Variants in SLC38A6 observed in about 807,000 individuals in gnomAD.
SLC38A6 encodes the protein solute carrier family 38 member 6.
SLC38A6 carries 73 observed loss-of-function variants against 65.0 expected under a neutral mutation model. The ratio of observed to expected loss-of-function variants is 1.12; its 90% CI spans 0.93 to 1.37. The LOEUF (loss-of-function observed/expected upper bound fraction) is 1.37, where lower values mean the gene tolerates loss of function less well. SLC38A6 is among the 40% of genes most tolerant of loss of function. SLC38A6 has a pLI of 0.00. For synonymous variants in SLC38A6, 183 were observed against 178.8 expected, an observed-to-expected ratio of 1.02 and a Z score of -0.19; for missense variants, 561 against 531.1, an observed-to-expected ratio of 1.06 and a Z score of -0.55.
intron 5 of SLC38A6, among the ~76,000 whole-genome samples, chr14:61,022,275 A>T (rs558573180): frequency 6.6e-6 from 1 of 152,164 alleles, no homozygotes; most frequent in Admixed American, 6.5e-5. Context: ...GTCACTAAGC[A>T]AAAGGGAACT....
intron 16 of SLC38A6, among the ~76,000 whole-genome samples, chr14:61,082,116 G>A (rs2043679253): frequency 6.6e-6 from 1 of 152,094 alleles, no homozygotes; most frequent in Admixed American, 6.5e-5. Context: ...CTAACACAGT[G>A]TCCCCCAAAG....
At chr14:61,008,888 C>A (rs1023348543) in intron 3 of SLC38A6, among the ~76,000 whole-genome samples, 3 of 152,038 alleles carry the variant, frequency 2.0e-5, no homozygotes, top group African/African-American at 7.2e-5. Context: ...TTTCAGAAAC[C>A]ATTGCCAATG....
intron 3 of SLC38A6, among the ~76,000 whole-genome samples, chr14:60,995,601 C>G (rs922615800): frequency 3.3e-5 from 5 of 149,826 alleles, no homozygotes; most frequent in Non-Finnish European, 5.9e-5. Flanking sequence ...GCTTTTACCA[C>G]AAGGAAGGAA....
intron 6 of SLC38A6, 54 bp downstream of exon 6, chr14:61,030,577 G>A (rs2040917419): frequency 1.7e-6 from 2 of 1,201,654 alleles, no homozygotes; most frequent in South Asian, 2.7e-5. Flanking sequence ...TGATAAATAT[G>A]TATTAAGCTG....
At chr14:61,053,658 G>A (rs1267976351), downstream of SLC38A6, among the ~76,000 whole-genome samples, 4 of 152,042 alleles carry the variant, frequency 2.6e-5, no homozygotes, top group Admixed American at 2.0e-4. Flanking sequence ...GCTTTCTTAT[G>A]TGCTTGTTGG....
intron 15 of SLC38A6, among the ~76,000 whole-genome samples, chr14:61,061,763 C>G (rs1381781274): frequency 6.6e-6 from 1 of 152,180 alleles, no homozygotes; most frequent in African/African-American, 2.4e-5. Flanking sequence ...TGAAAGATCT[C>G]TTGGTTGCTT....
At chr14:61,002,952 T>C (rs1052824802) in intron 3 of SLC38A6, among the ~76,000 whole-genome samples, 7 of 152,176 alleles carry the variant, frequency 4.6e-5, no homozygotes, top group Non-Finnish European at 1.0e-4. Flanking sequence ...TTAATGTAAC[T>C]GGACATCACC....
At chr14:60,992,704 T>G (rs1242786313) in intron 3 of SLC38A6, among the ~76,000 whole-genome samples, 1 of 151,982 alleles carries the variant, frequency 6.6e-6, no homozygotes, top group Non-Finnish European at 1.5e-5. Context: ...TTTTTTTTTT[T>G]AAGACAAAGT....
intron 15 of SLC38A6, among the ~76,000 whole-genome samples, chr14:61,066,382 G>C (rs1376573441): frequency 1.3e-5 from 2 of 152,120 alleles, no homozygotes; most frequent in African/African-American, 4.8e-5. Context: ...CAAGCTGTCA[G>C]TCAGGACAAG....
chr14:61,018,667 A>G (rs189433390), intron 4 of SLC38A6, among the ~76,000 whole-genome samples: 4 of 152,300 alleles, frequency 2.6e-5, no homozygotes, highest in Admixed American at 2.0e-4. Context: ...TGTTTCCTCT[A>G]AGCATATCTG....
At chr14:60,992,247 TCCA>T (rs1302875377) in intron 3 of SLC38A6, among the ~76,000 whole-genome samples, 8 of 152,206 alleles carry the variant, frequency 5.3e-5, no homozygotes, top group African/African-American at 1.9e-4. Flanking sequence ...ATTTAGATGT[TCCA>T]GAGGCTTTGT....
intron 3 of SLC38A6, among the ~76,000 whole-genome samples, chr14:61,009,137 C>T (rs1013536384): frequency 1.3e-5 from 2 of 152,104 alleles, no homozygotes; most frequent in African/African-American, 2.4e-5. Flanking sequence ...TACAATAAGG[C>T]AGGTGGATTA....
intron 15 of SLC38A6, among the ~76,000 whole-genome samples, chr14:61,074,336 T>C (rs1159733730): frequency 6.6e-6 from 1 of 152,242 alleles, no homozygotes; most frequent in Non-Finnish European, 1.5e-5. Context: ...TACCATAGAT[T>C]GGATGGCTTA....
chr14:61,014,658 C>G (rs1388305632), intron 3 of SLC38A6, among the ~76,000 whole-genome samples: 2 of 152,202 alleles, frequency 1.3e-5, no homozygotes, highest in Non-Finnish European at 2.9e-5. Flanking sequence ...ACTCCAGACC[C>G]TTTTTGTCTG....
At chr14:61,026,995 A>C (rs1387153325) in intron 5 of SLC38A6, among the ~76,000 whole-genome samples, 1 of 151,966 alleles carries the variant, frequency 6.6e-6, no homozygotes, top group Non-Finnish European at 1.5e-5. Context: ...CATTTATTTC[A>C]CTTTATAATT....
intron 5 of SLC38A6, among the ~76,000 whole-genome samples, chr14:61,021,750 T>A (rs1038637397): frequency 1.3e-5 from 2 of 152,240 alleles, no homozygotes; most frequent in African/African-American, 4.8e-5. Context: ...GATATCCTCA[T>A]GATTTTCTTC....
chr14:61,068,637 T>C (rs967415677), intron 15 of SLC38A6, among the ~76,000 whole-genome samples: 2 of 152,250 alleles, frequency 1.3e-5, no homozygotes, highest in East Asian at 3.8e-4. Flanking sequence ...GCCTGTCTTA[T>C]GGTCATGACC....
chr14:61,023,930 G>T (rs1256162020), intron 5 of SLC38A6, among the ~76,000 whole-genome samples: 1 of 152,000 alleles, frequency 6.6e-6, no homozygotes, highest in Non-Finnish European at 1.5e-5. Context: ...TATACATTTA[G>T]TAAATAACAT....
intron 8 of SLC38A6, 96 bp downstream of exon 8, chr14:61,037,779 G>T: frequency 1.3e-6 from 1 of 760,526 alleles, no homozygotes; most frequent in South Asian, 2.1e-5. Context: ...GTTGGGAAGG[G>T]TATCTCATTT....
Sources: gnomAD v4.1 joint callset for allele counts (sites outside exome capture counted in the v4.1 genomes callset) on GRCh38, gnomAD v4.1.1 for gene constraint, MANE v1.5 for transcripts, NCBI Gene and HGNC (gene_info 2026-07-23, HGNC 2026-07-21) for gene names.